Variants in FAM13A observed in about 807,000 individuals in gnomAD.
FAM13A encodes protein FAM13A.
A neutral mutation model predicts 129.6 loss-of-function variants in FAM13A; 76 were observed. The observed-to-expected ratio is 0.59, with a 90% CI of 0.49 to 0.71. The LOEUF (loss-of-function observed/expected upper bound fraction) is 0.71. FAM13A is among the 30% of genes least tolerant of loss of function. The pLI, the probability that FAM13A is intolerant of heterozygous loss-of-function variation, is 0.00. For synonymous variants in FAM13A, 443 were observed against 449.9 expected, an observed-to-expected ratio of 0.98 and a Z score of 0.20; for missense variants, 1,108 against 1,249.3, an observed-to-expected ratio of 0.89 and a Z score of 1.70.
chr4:88,990,785 G>T (rs529130715), intron 4 of FAM13A, 188 bp downstream of exon 4: 11 of 465,714 alleles, frequency 2.4e-5, no homozygotes, highest in African/African-American at 1.4e-4. Flanking sequence ...TGTAAAAAGG[G>T]CATAGCTACC....
intron 6 of FAM13A, among the ~76,000 whole-genome samples, chr4:88,852,642 CTT>C (rs1737801167): frequency 6.6e-6 from 1 of 152,286 alleles, no homozygotes; most frequent in African/African-American, 2.4e-5. Flanking sequence ...TTGTTTATCT[CTT>C]TCTCTCTCCT....
At chr4:88,851,376 G>C (rs1183740020) in intron 6 of FAM13A, among the ~76,000 whole-genome samples, 193 bp from the exon 7 acceptor site, 2 of 151,824 alleles carry the variant, frequency 1.3e-5, no homozygotes, top group Admixed American at 1.3e-4. Context: ...CAGGGAAGGG[G>C]AGATACAAAT....
intron 23 of FAM13A, among the ~76,000 whole-genome samples, chr4:88,730,738 T>C (rs1737544087): frequency 6.6e-6 from 1 of 152,228 alleles, no homozygotes; most frequent in Non-Finnish European, 1.5e-5. Context: ...TTGGCAATTA[T>C]CACCTTCATT....
At chr4:88,797,379 C>T (rs1433791669) in intron 8 of FAM13A, among the ~76,000 whole-genome samples, 1 of 151,598 alleles carries the variant, frequency 6.6e-6, no homozygotes, top group Non-Finnish European at 1.5e-5. Flanking sequence ...CTCAAGCAAT[C>T]CTCTTGCTTC....
chr4:88,998,534 T>C (rs753582763), intron 3 of FAM13A, among the ~76,000 whole-genome samples: 10 of 152,188 alleles, frequency 6.6e-5, no homozygotes, highest in Non-Finnish European at 1.3e-4. Context: ...AACAAATCTG[T>C]TGTGTAGTGG....
chr4:88,735,492 TTATGTTGGC>T (rs1377060123), intron 21 of FAM13A, among the ~76,000 whole-genome samples: 1 of 152,190 alleles, frequency 6.6e-6, no homozygotes, highest in African/African-American at 2.4e-5. Context: ...GAGGGGATTC[TTATGTTGGC>T]TAGGAGAACT....
intron 3 of FAM13A, among the ~76,000 whole-genome samples, chr4:89,006,415 T>C (rs1765013632): frequency 1.3e-5 from 2 of 152,196 alleles, no homozygotes; most frequent in Non-Finnish European, 2.9e-5. Flanking sequence ...ACACTACTGC[T>C]ATTGAGAGGG....
chr4:88,917,747 TA>T (rs1750340162), intron 5 of FAM13A, among the ~76,000 whole-genome samples: 1 of 152,212 alleles, frequency 6.6e-6, no homozygotes, highest in Non-Finnish European at 1.5e-5. Flanking sequence ...AGACAATTAA[TA>T]TTTTTCCACA....
chr4:89,034,532 A>G (rs1226768551), intron 1 of FAM13A, among the ~76,000 whole-genome samples: 1 of 152,240 alleles, frequency 6.6e-6, no homozygotes, highest in Non-Finnish European at 1.5e-5. Context: ...TCAAAGAACT[A>G]AAAATAGAAC....
chr4:89,012,071 C>G (rs951522146), intron 3 of FAM13A, among the ~76,000 whole-genome samples: 1 of 152,186 alleles, frequency 6.6e-6, no homozygotes, highest in Non-Finnish European at 1.5e-5. Flanking sequence ...TCTAGAACTA[C>G]TTACATTTAT....
rs115527614 is a variant in FAM13A at position 88,879,620 on chromosome 4, C to T, written c.843+26759G>A. Among the ~76,000 whole-genome samples the T allele has an allele frequency of 4.2e-3, 646 of 152,236 alleles. 6 individuals carry two copies. Among genetic ancestry groups the T allele is most frequent in the African/African-American group, 0.015 (619 of 41,526 alleles). On this transcript the variant is annotated intron_variant, in intron 6 of 23. Transcript: ENST00000264344. Reference sequence around the variant, plus strand: ...GATTGTGGGCCTGGGGATGGAGGTGCGGCATGTGATTAGCTCTGGCCAATG... The same window carrying T: ...GATTGTGGGCCTGGGGATGGAGGTGTGGCATGTGATTAGCTCTGGCCAATG...
At chr4:89,041,443 AG>A (rs1423137462) in intron 1 of FAM13A, among the ~76,000 whole-genome samples, 1 of 152,226 alleles carries the variant, frequency 6.6e-6, no homozygotes. Context: ...GCTAAAAATC[AG>A]ACCTGGATGA....
At chr4:88,949,652 A>C (rs182910767) in intron 4 of FAM13A, among the ~76,000 whole-genome samples, 1 of 152,352 alleles carries the variant, frequency 6.6e-6, no homozygotes, top group African/African-American at 2.4e-5. Context: ...TTCAATTATA[A>C]AGTTCCTAAT....
chr4:88,996,458 G>T (rs1240860543), intron 3 of FAM13A, among the ~76,000 whole-genome samples: 1 of 152,198 alleles, frequency 6.6e-6, no homozygotes, highest in Non-Finnish European at 1.5e-5. Context: ...GTTTAAATTT[G>T]TCTTGTGTTG....
intron 3 of FAM13A, among the ~76,000 whole-genome samples, chr4:89,017,322 C>T (rs1297378555): frequency 6.6e-6 from 1 of 152,046 alleles, no homozygotes; most frequent in East Asian, 1.9e-4. Context: ...CCTCACATAA[C>T]CTAAAGGCTG....
chr4:88,906,548 AAG>A, intron 5 of FAM13A, 86 bp from the exon 6 acceptor site: 1 of 853,796 alleles, frequency 1.2e-6, no homozygotes. Context: ...AACAGTTTTG[AAG>A]AGAGAGCATT....
At chr4:88,889,967 G>C (rs1233668953) in intron 6 of FAM13A, among the ~76,000 whole-genome samples, 3 of 152,210 alleles carry the variant, frequency 2.0e-5, no homozygotes, top group Non-Finnish European at 4.4e-5. Flanking sequence ...AGCAAATGAA[G>C]GGAAACTGGA....
intron 19 of FAM13A, among the ~76,000 whole-genome samples, chr4:88,743,200 T>C (rs1330069275): frequency 6.6e-6 from 1 of 152,196 alleles, no homozygotes; most frequent in African/African-American, 2.4e-5. Flanking sequence ...ATTTCGGATA[T>C]TTCAAAACAC....
At chr4:89,053,600 A>G (rs1560973216) in intron 1 of FAM13A, among the ~76,000 whole-genome samples, 1 of 152,122 alleles carries the variant, frequency 6.6e-6, no homozygotes, top group Non-Finnish European at 1.5e-5. Flanking sequence ...GAGGTCCCCA[A>G]GTTAGAGAGA....
Sources: allele counts gnomAD v4.1 joint callset (sites outside exome capture counted in the v4.1 genomes callset), GRCh38; gene constraint gnomAD v4.1.1; transcripts MANE v1.5; gene names NCBI Gene and HGNC (gene_info 2026-07-23, HGNC 2026-07-21).